OTUD3: variants seen among roughly 807,000 people sequenced by gnomAD.
OTUD3 encodes the protein OTU domain-containing protein 3.
Under a neutral mutation model 46.2 loss-of-function variants are expected in OTUD3, and 24 were observed. The ratio of observed to expected loss-of-function variants is 0.52; its 90% confidence interval spans 0.38 to 0.73. The LOEUF is 0.73. Among genes scored for constraint, OTUD3 ranks in the 30% least tolerant of loss-of-function variants. The probability of loss-of-function intolerance (pLI) is 0.00; values close to 1 mark genes in which losing one functional copy is unlikely to be tolerated. For synonymous variants in OTUD3, 189 were observed against 195.4 expected (o/e 0.97, Z 0.27); for missense variants, 455 against 523.3 (o/e 0.87, Z 1.27).
chr1:19,891,716 A>G (rs1166763580), intron 2 of OTUD3, among the ~76,000 whole-genome samples: 1 of 151,646 alleles, frequency 6.6e-6, no homozygotes, highest in East Asian at 1.9e-4. Flanking sequence ...CATTTGGGAG[A>G]AAAGGTATCA....
chr1:19,891,948 G>A (rs2045453025), intron 2 of OTUD3, among the ~76,000 whole-genome samples: 1 of 152,210 alleles, frequency 6.6e-6, no homozygotes, highest in South Asian at 2.1e-4. Context: ...TTGTAGTTTA[G>A]TGCTGTACGA....
chr1:19,894,161 C>G (rs1226857746), intron 2 of OTUD3, among the ~76,000 whole-genome samples: 1 of 152,186 alleles, frequency 6.6e-6, no homozygotes, highest in Admixed American at 6.5e-5. Context: ...ATAAATGGAT[C>G]TTTGCTTTAT....
At chr1:19,885,494 C>T (rs541423081) in intron 1 of OTUD3, among the ~76,000 whole-genome samples, 2 of 152,332 alleles carry the variant, frequency 1.3e-5, no homozygotes, top group African/African-American at 4.8e-5. Flanking sequence ...TACTCTGCCA[C>T]CCAGGCTGGA....
At position 19,908,938 on chromosome 1, in the gene OTUD3, C is replaced by G. The variant is rs938372435; in HGVS notation, c.*1192C>G. ...AGAAGAGAACATACTTTGGTTGAGG[C>G]CTTCGAATCACTCTTCAGTTCTGAA... On this transcript the variant is annotated 3_prime_UTR_variant, in exon 8 of 8. Coordinates refer to ENST00000375120, the MANE Select transcript of OTUD3 (RefSeq NM_015207.2). 2.0e-5 allele frequency: 3 copies of G among 152,330 alleles called. No individual in the cohort carries two copies. Among genetic ancestry groups the G allele is most frequent in the Non-Finnish European group, 4.4e-5 (3 of 68,046 alleles). The allele number at this position is 152,330 out of a possible 1,614,324, so 9.4% of individuals were successfully genotyped here. A position where few individuals can be genotyped will look rare whatever the true frequency, so the allele number is the denominator to read the frequency against.
At chr1:19,895,778 G>C (rs1246550813) in intron 3 of OTUD3, among the ~76,000 whole-genome samples, 2 of 152,102 alleles carry the variant, frequency 1.3e-5, no homozygotes, top group African/African-American at 4.8e-5. Context: ...TTACCCCTTT[G>C]TTCTATTTTT....
chr1:19,883,373 G>A (rs1457643921), intron 1 of OTUD3, among the ~76,000 whole-genome samples: 1 of 152,122 alleles, frequency 6.6e-6, no homozygotes, highest in Admixed American at 6.5e-5. Flanking sequence ...GGGAGAGTGG[G>A]GAGGAGGAAG....
intron 4 of OTUD3, among the ~76,000 whole-genome samples, chr1:19,903,950 A>G (rs896893588): frequency 3.9e-5 from 6 of 152,186 alleles, no homozygotes; most frequent in African/African-American, 1.4e-4. Context: ...GGCTCTGAAA[A>G]TCAGCTGAGG....
At chr1:19,895,762 T>TA (rs1300115912) in intron 3 of OTUD3, among the ~76,000 whole-genome samples, 1 of 152,196 alleles carries the variant, frequency 6.6e-6, no homozygotes, top group Non-Finnish European at 1.5e-5. Context: ...TGAGCAAAAA[T>TA]ACTGGTTACC....
Position 19,890,460 on chromosome 1 carries a change from A to G in OTUD3, c.297A>G (p.Thr99=). 6.2e-7 allele frequency: 1 copy of G among 1,613,938 alleles called. No homozygotes were observed. Among genetic ancestry groups the G allele is most frequent in the Non-Finnish European group, 8.5e-7 (1 of 1,179,774 alleles). The stretch of plus-strand genomic sequence containing the variant: ...ATCATCTCAAGCACAGACAGGAGAC[A>G]GTGGACTACATGATAAAGCAGCGGG... ...SRNHLKHRQE[T]VDYMIKQRED... is the part of the protein sequence containing the mutation. The change falls in exon 2 of 8, where the codon ACA becomes ACG. Residue 99 remains threonine, a synonymous_variant. Coordinates refer to ENST00000375120, the MANE Select transcript of OTUD3 (RefSeq NM_015207.2).
At chr1:19,902,149 T>C (rs1463064442) in intron 4 of OTUD3, among the ~76,000 whole-genome samples, 2 of 151,470 alleles carry the variant, frequency 1.3e-5, no homozygotes, top group Non-Finnish European at 3.0e-5. Context: ...AAGGCTCTGC[T>C]TTCTCTTCAT....
intron 4 of OTUD3, among the ~76,000 whole-genome samples, chr1:19,899,538 G>T (rs2045560112): frequency 6.6e-6 from 1 of 152,196 alleles, no homozygotes; most frequent in South Asian, 2.1e-4. Flanking sequence ...GGACTTTTAG[G>T]TGGTTTCTAA....
At position 19,908,551 on chromosome 1, in the gene OTUD3, A is replaced by G. The variant is rs965500564; in HGVS notation, c.*805A>G. 9.8e-5 allele frequency: 15 copies of G among 152,322 alleles called. No individual in the cohort carries two copies. Among genetic ancestry groups the G allele is most frequent in the African/African-American group, 3.1e-4 (13 of 41,440 alleles). 9.4% of individuals were successfully genotyped at this position (152,322 alleles called of 1,614,324 possible). ...CTTGTGATACAGTTCTGGAATTCTG[A>G]TAGTGTGTAGAGCAGGGTCTATAGT... On this transcript the variant is annotated 3_prime_UTR_variant, in exon 8 of 8. Coordinates refer to ENST00000375120, the MANE Select transcript of OTUD3 (RefSeq NM_015207.2).
chr1:19,890,753 T>C (rs2045435157), intron 2 of OTUD3, among the ~76,000 whole-genome samples: 1 of 152,190 alleles, frequency 6.6e-6, no homozygotes, highest in Non-Finnish European at 1.5e-5. Context: ...ATGATGGTAT[T>C]AATTGACCTG....
At position 19,906,407 on chromosome 1, in the gene OTUD3, TTAATGAAA is replaced by T. The variant is rs777990953; in HGVS notation, c.836-23_836-16del. ...CTGTGTAACTCTCAGGTTCTCAGTTTTAATGAAATGTCTTTCTTTGGAAGATGCAGAAG... is the reference window on the plus strand; with the variant it reads ...CTGTGTAACTCTCAGGTTCTCAGTTTTGTCTTTCTTTGGAAGATGCAGAAG... On this transcript the variant is annotated splice_polypyrimidine_tract_variant and intron_variant, in intron 6 of 7. Transcript: ENST00000375120. The T allele has an allele frequency of 6.2e-7, 1 of 1,609,612 alleles. No homozygotes were observed. The highest frequency in any genetic ancestry group is 1.1e-5 in the South Asian group (1 of 90,504).
chr1:19,896,973 T>C (rs1340856144), intron 3 of OTUD3, among the ~76,000 whole-genome samples: 1 of 152,224 alleles, frequency 6.6e-6, no homozygotes, highest in Non-Finnish European at 1.5e-5. Context: ...GTTGTTGATG[T>C]TTCTCATTTA....
intron 4 of OTUD3, 70 bp downstream of exon 4, chr1:19,897,732 G>A: frequency 6.8e-7 from 1 of 1,461,640 alleles, no homozygotes; most frequent in Non-Finnish European, 9.2e-7. Flanking sequence ...TGTATATCTG[G>A]CGCTAAAAAC....
intron 3 of OTUD3, among the ~76,000 whole-genome samples, chr1:19,896,258 G>C (rs879829145): frequency 1.6e-4 from 25 of 151,950 alleles, no homozygotes; most frequent in Non-Finnish European, 3.5e-4. Context: ...ATGTGCTCCT[G>C]TGAACAATCT....
chr1:19,911,968 T>A lies in OTUD3; in HGVS notation c.*4222T>A, dbSNP rs1192517815. On this transcript the variant is annotated 3_prime_UTR_variant, in exon 8 of 8. Coordinates refer to ENST00000375120, the MANE Select transcript of OTUD3 (RefSeq NM_015207.2). ...TGACCTATGTCTTTGAAGCAGCTGC[T>A]TTGTAGAGTCCCTCTCTTTACTGTC... The A allele has an allele frequency of 6.6e-6, 1 of 152,372 alleles. No homozygotes were observed. The highest frequency in any genetic ancestry group is 2.4e-5 in the African/African-American group (1 of 41,456). The allele number at this position is 152,372 out of a possible 1,614,324, so 9.4% of individuals were successfully genotyped here.
chr1:19,895,682 G>A (rs1484451889), intron 3 of OTUD3, among the ~76,000 whole-genome samples: 1 of 152,204 alleles, frequency 6.6e-6, no homozygotes, highest in Non-Finnish European at 1.5e-5. Context: ...TGTTGCGGAT[G>A]TCCTGACATC....
Sources: gnomAD v4.1 joint callset for allele counts (sites outside exome capture counted in the v4.1 genomes callset) on GRCh38, gnomAD v4.1.1 for gene constraint, MANE v1.5 for transcripts, NCBI Gene and HGNC (gene_info 2026-07-23, HGNC 2026-07-21) for gene names.